AGBL4: variants seen among roughly 807,000 people sequenced by gnomAD.
AGBL4 encodes the protein AGBL carboxypeptidase 4.
In AGBL4, 58 loss-of-function variants were observed where a neutral mutation model predicts 66.4. That is an observed-to-expected ratio of 0.87 (90% CI 0.71 to 1.09). The LOEUF is 1.09. Ranked by LOEUF, AGBL4 falls within the 50% of genes least tolerant of loss-of-function variation. The pLI is 0.00. For missense variants in AGBL4, 579 were observed against 631.0 expected (o/e 0.92, Z 0.88); for synonymous variants, 234 against 222.9 (o/e 1.05, Z -0.44).
At chr1:48,674,371 C>G (rs1468596643) in intron 6 of AGBL4, among the ~76,000 whole-genome samples, 1 of 152,140 alleles carries the variant, frequency 6.6e-6, no homozygotes, top group African/African-American at 2.4e-5. Flanking sequence ...AGCAAATTGT[C>G]CAAGGTCATA....
intron 4 of AGBL4, among the ~76,000 whole-genome samples, chr1:49,068,505 T>C (rs999430164): frequency 1.3e-4 from 20 of 152,210 alleles, no homozygotes; most frequent in Non-Finnish European, 2.5e-4. Flanking sequence ...CTTGTGTTAC[T>C]TTGCTGAGAA....
intron 4 of AGBL4, among the ~76,000 whole-genome samples, chr1:49,218,112 T>A (rs1359177311): frequency 6.6e-6 from 1 of 152,138 alleles, no homozygotes; most frequent in Non-Finnish European, 1.5e-5. Context: ...ATGTCATCCT[T>A]TCACCTATCT....
chr1:49,681,899 T>C (rs1429658583), intron 3 of AGBL4, among the ~76,000 whole-genome samples: 2 of 152,216 alleles, frequency 1.3e-5, no homozygotes, highest in East Asian at 3.9e-4. Flanking sequence ...GAAGTTTTTC[T>C]CTACAATTTT....
At chr1:49,024,377 C>A (rs1663480683) in intron 5 of AGBL4, among the ~76,000 whole-genome samples, 1 of 152,120 alleles carries the variant, frequency 6.6e-6, no homozygotes. Flanking sequence ...ATTATATACC[C>A]TGTAAGATAG....
intron 3 of AGBL4, among the ~76,000 whole-genome samples, chr1:49,258,123 CAGAA>C (rs1652722845): frequency 6.6e-6 from 1 of 152,184 alleles, no homozygotes; most frequent in Non-Finnish European, 1.5e-5. Flanking sequence ...AACTAACAAA[CAGAA>C]AGGACATCCA....
chr1:49,058,357 T>C (rs889792146), intron 4 of AGBL4, among the ~76,000 whole-genome samples: 2 of 152,174 alleles, frequency 1.3e-5, no homozygotes, highest in Admixed American at 1.3e-4. Context: ...GAGTGAGTTC[T>C]CACAAGATCT....
chr1:48,651,640 G>A (rs529161283), intron 8 of AGBL4, among the ~76,000 whole-genome samples: 3 of 152,242 alleles, frequency 2.0e-5, no homozygotes, highest in Non-Finnish European at 2.9e-5. Flanking sequence ...AATTAAGAGT[G>A]GAAGCAAAAC....
intron 9 of AGBL4, among the ~76,000 whole-genome samples, chr1:48,613,719 T>C (rs1204485373): frequency 6.6e-6 from 1 of 152,208 alleles, no homozygotes; most frequent in African/African-American, 2.4e-5. Context: ...GAGGGATACA[T>C]ACAGCTGAGC....
chr1:49,132,662 G>T (rs1043297223), intron 4 of AGBL4, among the ~76,000 whole-genome samples: 1 of 151,600 alleles, frequency 6.6e-6, no homozygotes, highest in Non-Finnish European at 1.5e-5. Context: ...ATCTATAAAA[G>T]AAAATGCAAA....
chr1:49,952,253 G>C (rs1296426286), intron 1 of AGBL4, among the ~76,000 whole-genome samples: 1 of 151,714 alleles, frequency 6.6e-6, no homozygotes, highest in Non-Finnish European at 1.5e-5. Context: ...TAACCACTAC[G>C]CACACTGCCT....
chr1:49,169,215 T>C (rs1277406120), intron 4 of AGBL4, among the ~76,000 whole-genome samples: 8 of 152,126 alleles, frequency 5.3e-5, no homozygotes, highest in South Asian at 4.1e-4. Context: ...GTGTCACAGT[T>C]GTAGGAAGGA....
At chr1:48,586,827 C>G in intron 11 of AGBL4, 177 bp downstream of exon 11, 1 of 785,936 alleles carries the variant, frequency 1.3e-6, no homozygotes. Context: ...GAGTATCATA[C>G]TAAGGGCTGA....
chr1:49,354,676 T>C (rs1570506327), intron 3 of AGBL4, among the ~76,000 whole-genome samples: 1 of 152,366 alleles, frequency 6.6e-6, no homozygotes, highest in African/African-American at 2.4e-5. Context: ...ATGATTATGA[T>C]GTATAATTAA....
intron 6 of AGBL4, among the ~76,000 whole-genome samples, chr1:48,763,008 A>T (rs1557963005): frequency 2.0e-5 from 3 of 152,154 alleles, no homozygotes. Flanking sequence ...TACACACTGA[A>T]CATTCAATGG....
intron 6 of AGBL4, among the ~76,000 whole-genome samples, chr1:48,782,819 C>T (rs1032742345): frequency 3.3e-5 from 5 of 152,136 alleles, no homozygotes; most frequent in African/African-American, 1.2e-4. Flanking sequence ...TCTTGGTGTA[C>T]GTTCTATGAC....
chr1:49,888,430 G>T (rs1648288895), intron 1 of AGBL4, among the ~76,000 whole-genome samples: 1 of 152,068 alleles, frequency 6.6e-6, no homozygotes, highest in Non-Finnish European at 1.5e-5. Flanking sequence ...AAAGAATCAT[G>T]ACCTATTGAG....
intron 3 of AGBL4, among the ~76,000 whole-genome samples, chr1:49,614,135 A>G (rs1478397512): frequency 6.6e-6 from 1 of 152,154 alleles, no homozygotes; most frequent in African/African-American, 2.4e-5. Context: ...TTTTTAAAGA[A>G]ACCCAGCACA....
At chr1:49,800,681 T>C (rs1440788255) in intron 2 of AGBL4, among the ~76,000 whole-genome samples, 3 of 108,240 alleles carry the variant, frequency 2.8e-5, no homozygotes, top group Non-Finnish European at 3.8e-5. Context: ...CATGTCCCTA[T>C]AAAGGACATG....
At chr1:49,280,054 G>C (rs913517406) in intron 3 of AGBL4, among the ~76,000 whole-genome samples, 1 of 152,010 alleles carries the variant, frequency 6.6e-6, no homozygotes, top group South Asian at 2.1e-4. Context: ...TTGGCCTTTC[G>C]AGATATCTTT....
Sources: gnomAD v4.1 joint callset for allele counts (sites outside exome capture counted in the v4.1 genomes callset) on GRCh38, gnomAD v4.1.1 for gene constraint, MANE v1.5 for transcripts, NCBI Gene and HGNC (gene_info 2026-07-23, HGNC 2026-07-21) for gene names.